TUBGCP3: variants seen among roughly 807,000 people sequenced by gnomAD.
TUBGCP3 encodes gamma-tubulin complex component 3.
In TUBGCP3, 50 loss-of-function variants were observed where a neutral mutation model predicts 123.1. That is an observed-to-expected ratio of 0.41 (90% CI 0.32 to 0.51). The LOEUF is 0.51. TUBGCP3 is among the 20% of genes least tolerant of loss of function. The probability of loss-of-function intolerance (pLI) is 0.36; values close to 1 mark genes in which losing one functional copy is unlikely to be tolerated. For synonymous variants in TUBGCP3, 405 were observed against 413.9 expected (o/e 0.98, Z 0.26); for missense variants, 882 against 1,127.0 (o/e 0.78, Z 3.11).
At chr13:112,595,001 C>A in the TUBGCP3 span, among the ~76,000 whole-genome samples, 1 of 152,022 alleles carries the variant, frequency 6.6e-6, no homozygotes, top group East Asian at 1.9e-4. Context: ...TTGTGGGCAC[C>A]TGAAAAGAAT....
chr13:112,572,766 C>T (rs778765185), intron 1 of TUBGCP3, among the ~76,000 whole-genome samples: 5 of 152,050 alleles, frequency 3.3e-5, no homozygotes, highest in Non-Finnish European at 5.9e-5. Context: ...TACACATCAA[C>T]GTAACAGATG....
At chr13:112,595,698 C>T in the TUBGCP3 span, among the ~76,000 whole-genome samples, 6 of 151,020 alleles carry the variant, frequency 4.0e-5, no homozygotes, top group East Asian at 1.9e-4. Context: ...TTCTACTATG[C>T]GATTGTGATT....
At chr13:112,490,047 A>C (rs1323069785) in intron 20 of TUBGCP3, among the ~76,000 whole-genome samples, 1 of 152,146 alleles carries the variant, frequency 6.6e-6, no homozygotes, top group Non-Finnish European at 1.5e-5. Flanking sequence ...TAACAAAGAC[A>C]GTATGTGTGA....
At chr13:112,571,125 T>C (rs1293920260) in intron 1 of TUBGCP3, among the ~76,000 whole-genome samples, 2 of 152,228 alleles carry the variant, frequency 1.3e-5, no homozygotes, top group Non-Finnish European at 2.9e-5. Context: ...CTGTTAATGT[T>C]GACAATTTGA....
intron 19 of TUBGCP3, 97 bp downstream of exon 19, chr13:112,503,935 G>T: frequency 7.2e-7 from 1 of 1,380,732 alleles, no homozygotes; most frequent in East Asian, 2.3e-5. Flanking sequence ...CAATGTGGCT[G>T]CATCAGGGCA....
chr13:112,523,760 T>G (rs1408932190), intron 13 of TUBGCP3, among the ~76,000 whole-genome samples: 1 of 152,248 alleles, frequency 6.6e-6, no homozygotes, highest in Non-Finnish European at 1.5e-5. Context: ...CTCTCTTTGC[T>G]CCTTCAGGGT....
upstream of TUBGCP3, chr13:112,588,211 C>T (rs1428247836): frequency 2.5e-6 from 1 of 393,608 alleles, no homozygotes; most frequent in Non-Finnish European, 4.5e-6. Context: ...GTGCGGCTGC[C>T]TAAGCGTTCC....
intron 1 of TUBGCP3, among the ~76,000 whole-genome samples, chr13:112,586,255 G>T (rs75762063): frequency 6.6e-6 from 1 of 151,280 alleles, no homozygotes. Flanking sequence ...AAAAAAAAAA[G>T]TTCTTAGGTT....
chr13:112,555,108 T>C, intron 6 of TUBGCP3, 103 bp from the exon 7 acceptor site: 2 of 672,510 alleles, frequency 3.0e-6, no homozygotes, highest in Non-Finnish European at 5.1e-6. Flanking sequence ...GCCACCCCGA[T>C]GAAATTTACT....
At chr13:112,589,634 C>T (rs1882834415), upstream of TUBGCP3, among the ~76,000 whole-genome samples, 2 of 152,202 alleles carry the variant, frequency 1.3e-5, no homozygotes, top group Non-Finnish European at 2.9e-5. Context: ...TTAACCTTTT[C>T]TAGTCAGCCC....
intron 11 of TUBGCP3, among the ~76,000 whole-genome samples, chr13:112,537,127 C>CT (rs58140098): frequency 0.093 from 7,223 of 78,032 alleles, 653 homozygotes; most frequent in African/African-American, 0.19. Context: ...TACCTTTTTC[C>CT]TTTTTTTTTT....
intron 1 of TUBGCP3, among the ~76,000 whole-genome samples, chr13:112,578,289 G>T (rs984047277): frequency 6.6e-6 from 1 of 152,062 alleles, no homozygotes; most frequent in Non-Finnish European, 1.5e-5. Context: ...GCCGGGCGCG[G>T]TGGCTCACGC....
intron 3 of TUBGCP3, among the ~76,000 whole-genome samples, chr13:112,564,167 T>C (rs937875734): frequency 5.3e-5 from 8 of 152,114 alleles, no homozygotes; most frequent in African/African-American, 1.9e-4. Flanking sequence ...AAAGATAATA[T>C]CGCAAATATT....
At chr13:112,560,474 A>T (rs1880424551) in intron 3 of TUBGCP3, among the ~76,000 whole-genome samples, 2 of 152,184 alleles carry the variant, frequency 1.3e-5, no homozygotes, top group Admixed American at 1.3e-4. Context: ...CTGTCAAGAT[A>T]ACCAACCCAC....
chr13:112,522,057 T>G (rs1012567752), intron 14 of TUBGCP3, among the ~76,000 whole-genome samples: 1 of 152,234 alleles, frequency 6.6e-6, no homozygotes, highest in African/African-American at 2.4e-5. Flanking sequence ...ATGAAGACTG[T>G]AAGCCCCACA....
In TUBGCP3 at chr13:112,545,644, A is replaced by G. The variant is rs1878926261; in HGVS notation, c.1335+55T>C. The G allele has an allele frequency of 6.3e-7, 1 of 1,589,494 alleles. No homozygotes were observed. The highest frequency in any genetic ancestry group is 8.6e-7 in the Non-Finnish European group (1 of 1,159,238). On this transcript the variant is annotated intron_variant, in intron 11 of 21. Coordinates refer to ENST00000261965, the MANE Select transcript of TUBGCP3 (RefSeq NM_006322.6). This position sits in a 1 kb window ranked among gnomAD's most constrained non-coding sequence, Gnocchi z 4.1. ...ATGAGGGGAAAAATGAAACAGCATA[A>G]CTGCGTGCCCATGCTTTTTAAATCC...
intron 11 of TUBGCP3, 57 bp from the exon 12 acceptor site, chr13:112,527,541 C>G (rs1483425461): frequency 1.1e-5 from 13 of 1,163,586 alleles, no homozygotes; most frequent in Non-Finnish European, 1.3e-5. Context: ...AAAATATTAA[C>G]CAACAGCAAC....
intron 1 of TUBGCP3, among the ~76,000 whole-genome samples, chr13:112,584,617 G>A (rs891979355): frequency 3.3e-5 from 5 of 152,192 alleles, no homozygotes; most frequent in African/African-American, 1.2e-4. Flanking sequence ...GACACTCATA[G>A]AGGTCTTGCA....
rs1876475425 is a variant in TUBGCP3 at position 112,519,957 on chromosome 13, C to T, written c.1810G>A (p.Ala604Thr). 5 of 1,613,876 alleles carry T rather than the reference C, an allele frequency of 3.1e-6. No homozygotes were observed. The highest frequency in any genetic ancestry group is 1.6e-4 in the Middle Eastern group (1 of 6,080). ...QHNLTGILET[A>T]VRATNAQFDS... Reference sequence around the variant, plus strand: ...AACTGTGCGTTGGTGGCTCTGACAGCGGTTTCTAGAATTCCAGTCAAGTTA... The same window carrying T: ...AACTGTGCGTTGGTGGCTCTGACAGTGGTTTCTAGAATTCCAGTCAAGTTA... Residue 604 changes from alanine to threonine, a missense_variant, in exon 15 of 22, where the codon GCT (alanine) becomes ACT (threonine). Coordinates refer to ENST00000261965, the MANE Select transcript of TUBGCP3 (RefSeq NM_006322.6). This position sits in a 1 kb window ranked among gnomAD's most constrained non-coding sequence, Gnocchi z 6.2.
Sources: allele counts gnomAD v4.1 joint callset (sites outside exome capture counted in the v4.1 genomes callset), GRCh38; gene constraint gnomAD v4.1.1; non-coding constraint Gnocchi (gnomAD v3.1); transcripts MANE v1.5; gene names NCBI Gene and HGNC (gene_info 2026-07-23, HGNC 2026-07-21).